FHIT: variants seen among roughly 807,000 people sequenced by gnomAD.
FHIT encodes the protein bis(5'-adenosyl)-triphosphatase.
Under a neutral mutation model 17.9 loss-of-function variants are expected in FHIT, and 19 were observed. That is an observed-to-expected ratio of 1.06 (90% confidence interval 0.74 to 1.56). FHIT has a LOEUF of 1.56. Among genes scored for constraint, FHIT ranks in the 40% most tolerant of loss-of-function variants. The pLI is 0.00. For missense variants in FHIT, 248 were observed against 189.2 expected (o/e 1.31, Z -1.82); for synonymous variants, 81 against 69.7 (o/e 1.16, Z -0.81).
At chr3:60,524,175 G>C (rs553165773) in intron 5 of FHIT, among the ~76,000 whole-genome samples, 6 of 150,100 alleles carry the variant, frequency 4.0e-5, no homozygotes, top group African/African-American at 1.5e-4. Flanking sequence ...CCCTCAGAGA[G>C]CTCACATTCT....
chr3:60,956,267 T>G (rs782119757), intron 3 of FHIT, among the ~76,000 whole-genome samples: 1 of 152,156 alleles, frequency 6.6e-6, no homozygotes, highest in South Asian at 2.1e-4. Context: ...ACCTGAAGTG[T>G]TCAAGTAAAA....
At chr3:59,994,124 C>T (rs1699403488) in intron 7 of FHIT, among the ~76,000 whole-genome samples, 1 of 151,944 alleles carries the variant, frequency 6.6e-6, no homozygotes, top group African/African-American at 2.4e-5. Context: ...AGAAGCAGAG[C>T]AATATTTGAA....
chr3:60,743,782 G>GCT (rs2042285535), intron 4 of FHIT, among the ~76,000 whole-genome samples: 2 of 152,188 alleles, frequency 1.3e-5, no homozygotes, highest in Non-Finnish European at 2.9e-5. Context: ...GAGGACACAG[G>GCT]TCCAGGGGAC....
chr3:60,705,491 G>A (rs76199885), intron 4 of FHIT, among the ~76,000 whole-genome samples: 1,594 of 152,312 alleles, frequency 0.01, 6 homozygotes, highest in Non-Finnish European at 0.015. Flanking sequence ...TGGATTTAAT[G>A]TACTTTTTTA....
intron 5 of FHIT, among the ~76,000 whole-genome samples, chr3:60,521,556 A>C (rs1027305124): frequency 6.6e-6 from 1 of 152,056 alleles, no homozygotes; most frequent in African/African-American, 2.4e-5. Context: ...CAAAAGTTAT[A>C]ATTATTATAC....
intron 5 of FHIT, among the ~76,000 whole-genome samples, chr3:60,462,012 C>T (rs1029314817): frequency 2.8e-4 from 42 of 152,128 alleles, no homozygotes; most frequent in African/African-American, 9.4e-4. Flanking sequence ...TTGAAGTCTT[C>T]AGTTCGCCTG....
intron 5 of FHIT, among the ~76,000 whole-genome samples, chr3:60,525,338 AAATTT>A (rs2035531971): frequency 6.6e-6 from 1 of 152,214 alleles, no homozygotes; most frequent in African/African-American, 2.4e-5. Flanking sequence ...AACCAAAATT[AAATTT>A]ATCCCATAAA....
intron 8 of FHIT, among the ~76,000 whole-genome samples, chr3:59,804,860 C>A (rs796588363): frequency 1.4e-4 from 21 of 152,306 alleles, no homozygotes; most frequent in Middle Eastern, 3.4e-3. Flanking sequence ...AAGTGCAGAG[C>A]GAACAGCCGA....
chr3:60,318,203 T>C (rs1709255629), intron 5 of FHIT, among the ~76,000 whole-genome samples: 1 of 152,078 alleles, frequency 6.6e-6, no homozygotes, highest in Non-Finnish European at 1.5e-5. Flanking sequence ...TGTTTGAAAA[T>C]AAGCACCAAG....
At chr3:60,145,313 AT>A (rs1361097591) in intron 5 of FHIT, among the ~76,000 whole-genome samples, 3 of 152,188 alleles carry the variant, frequency 2.0e-5, no homozygotes, top group Non-Finnish European at 4.4e-5. Flanking sequence ...CTGCAGTCAC[AT>A]TATATGTAAA....
chr3:60,700,093 T>C (rs527604509), intron 4 of FHIT, among the ~76,000 whole-genome samples: 162 of 147,210 alleles, frequency 1.1e-3, no homozygotes, highest in African/African-American at 4.0e-3. Flanking sequence ...ATCACGCCAC[T>C]GCACTCCAGC....
intron 5 of FHIT, among the ~76,000 whole-genome samples, chr3:60,138,066 A>G (rs1236313894): frequency 6.6e-6 from 1 of 152,202 alleles, no homozygotes; most frequent in African/African-American, 2.4e-5. Flanking sequence ...TAAAGATGAG[A>G]AGACTGAAGT....
chr3:60,060,368 G>GT (rs1256952672), intron 5 of FHIT, among the ~76,000 whole-genome samples: 1 of 152,132 alleles, frequency 6.6e-6, no homozygotes, highest in Non-Finnish European at 1.5e-5. Flanking sequence ...ACTAAATCCT[G>GT]TGTTATTGAT....
intron 8 of FHIT, among the ~76,000 whole-genome samples, chr3:59,910,827 C>T (rs1704835293): frequency 6.6e-6 from 1 of 152,032 alleles, no homozygotes; most frequent in Admixed American, 6.6e-5. Context: ...AGCTTCAGTT[C>T]ACTTGGCTTT....
At chr3:59,750,645 G>T in intron 9 of FHIT, 1 of 222,158 alleles carries the variant, frequency 4.5e-6, no homozygotes, top group Non-Finnish European at 9.0e-6. Context: ...AATGAAATAA[G>T]CTTTCTAGAA....
intron 1 of FHIT, among the ~76,000 whole-genome samples, chr3:61,206,719 C>A (rs1366821587): frequency 1.3e-5 from 2 of 151,696 alleles, no homozygotes; most frequent in African/African-American, 4.8e-5. Context: ...AGATTTTGGG[C>A]TGAGACGATG....
At chr3:59,785,870 T>G (rs1195568661) in intron 8 of FHIT, among the ~76,000 whole-genome samples, 3 of 152,136 alleles carry the variant, frequency 2.0e-5, no homozygotes, top group African/African-American at 4.8e-5. Flanking sequence ...ATGCAATCTT[T>G]GGAGTTTGAT....
At chr3:60,236,303 A>G (rs1704792882) in intron 5 of FHIT, among the ~76,000 whole-genome samples, 2 of 149,690 alleles carry the variant, frequency 1.3e-5, no homozygotes, top group South Asian at 2.2e-4. Flanking sequence ...GGACAAAGAT[A>G]GCATCTCATT....
chr3:59,995,744 C>T (rs546696175), intron 7 of FHIT, among the ~76,000 whole-genome samples: 6 of 152,168 alleles, frequency 3.9e-5, no homozygotes, highest in East Asian at 3.9e-4. Context: ...CACACAGCAC[C>T]GGGTATACCT....
Sources: allele counts gnomAD v4.1 joint callset (sites outside exome capture counted in the v4.1 genomes callset), GRCh38; gene constraint gnomAD v4.1.1; transcripts MANE v1.5; gene names NCBI Gene and HGNC (gene_info 2026-07-23, HGNC 2026-07-21).